Variants in TTC28 observed in about 807,000 individuals in gnomAD.
TTC28 encodes tetratricopeptide repeat protein 28.
A neutral mutation model predicts 198.0 loss-of-function variants in TTC28; 61 were observed. The observed-to-expected ratio is 0.31, with a 90% confidence interval of 0.25 to 0.38. The LOEUF (loss-of-function observed/expected upper bound fraction) is 0.38. Among genes scored for constraint, TTC28 ranks in the 10% least tolerant of loss-of-function variants. The probability of loss-of-function intolerance (pLI) is 1.00; values close to 1 mark genes in which losing one functional copy is unlikely to be tolerated. For missense variants in TTC28, 2,678 were observed against 3,164.0 expected, an observed-to-expected ratio of 0.85 and a Z score of 3.69; for synonymous variants, 1,171 against 1,297.8, an observed-to-expected ratio of 0.90 and a Z score of 2.10.
In TTC28 at chr22:28,526,845, C is replaced by T. The variant is rs55801881; in HGVS notation, c.381+102707G>A. ...CACCTCGGCTCACTGCAACCTCCGC[C>T]TCCCAGGTACAAGTGATTCTCCTGC... On this transcript the variant is annotated intron_variant, in intron 2 of 22. Coordinates refer to ENST00000397906, the MANE Select transcript of TTC28 (RefSeq NM_001145418.2). 8.1e-3 allele frequency among the ~76,000 whole-genome samples: 1,234 copies of T among 152,164 alleles called. 20 individuals carry two copies. The highest frequency in any genetic ancestry group is 0.028 in the African/African-American group (1,175 of 41,522).
At chr22:28,336,927 A>G (rs2045732053) in intron 2 of TTC28, among the ~76,000 whole-genome samples, 1 of 152,014 alleles carries the variant, frequency 6.6e-6, no homozygotes. Context: ...TTTAATTGTG[A>G]TGTTAGGCTG....
chr22:28,227,995 C>T (rs1316808066), intron 5 of TTC28, among the ~76,000 whole-genome samples: 1 of 152,016 alleles, frequency 6.6e-6, no homozygotes, highest in Non-Finnish European at 1.5e-5. Flanking sequence ...AATGGATAAA[C>T]AAAATGTGGT....
intron 5 of TTC28, among the ~76,000 whole-genome samples, chr22:28,249,324 C>G (rs182269428): frequency 6.6e-6 from 1 of 151,786 alleles, no homozygotes; most frequent in African/African-American, 2.4e-5. Context: ...GTATCTGGCA[C>G]GCAGGAAAAA....
intron 2 of TTC28, among the ~76,000 whole-genome samples, chr22:28,482,357 G>A (rs903306735): frequency 4.6e-5 from 7 of 151,132 alleles, no homozygotes; most frequent in African/African-American, 1.5e-4. Context: ...GACTGCAGGC[G>A]CCCTACACGC....
chr22:28,108,442 A>G, intron 6 of TTC28, 39 bp from the exon 7 acceptor site: 1 of 1,395,684 alleles, frequency 7.2e-7, no homozygotes, highest in Non-Finnish European at 9.3e-7. Flanking sequence ...AGACTGAAAT[A>G]ACTGATTTGC....
chr22:28,253,228 A>G (rs1348707358), intron 5 of TTC28, among the ~76,000 whole-genome samples: 1 of 152,206 alleles, frequency 6.6e-6, no homozygotes, highest in Admixed American at 6.5e-5. Flanking sequence ...AATGAAAACA[A>G]TTGTTCAGAC....
chr22:28,335,704 G>C (rs1442511526), intron 2 of TTC28, among the ~76,000 whole-genome samples: 2 of 152,172 alleles, frequency 1.3e-5, no homozygotes, highest in African/African-American at 4.8e-5. Context: ...CTGAGACTTT[G>C]CTGAAGTTCC....
chr22:28,132,867 C>G (rs1015708006), intron 6 of TTC28, among the ~76,000 whole-genome samples: 13 of 152,102 alleles, frequency 8.5e-5, no homozygotes, highest in Non-Finnish European at 1.8e-4. Flanking sequence ...TCACAGTTTC[C>G]AAGAACCCTA....
At chr22:28,120,923 C>T (rs545018688) in intron 6 of TTC28, among the ~76,000 whole-genome samples, 1 of 152,170 alleles carries the variant, frequency 6.6e-6, no homozygotes, top group African/African-American at 2.4e-5. Context: ...AAGCATAATG[C>T]TATCAAAACA....
intron 5 of TTC28, among the ~76,000 whole-genome samples, chr22:28,286,377 C>T (rs1022152602): frequency 9.2e-5 from 14 of 152,136 alleles, no homozygotes; most frequent in African/African-American, 3.4e-4. Flanking sequence ...ATTATCACTA[C>T]ATTAAACAAT....
At chr22:28,573,660 T>C (rs887542842) in intron 2 of TTC28, among the ~76,000 whole-genome samples, 1 of 152,130 alleles carries the variant, frequency 6.6e-6, no homozygotes. Context: ...ATGGGGTATC[T>C]ACATCACCTC....
chr22:28,270,549 C>T (rs138280275), intron 5 of TTC28, among the ~76,000 whole-genome samples: 1 of 152,060 alleles, frequency 6.6e-6, no homozygotes, highest in East Asian at 1.9e-4. Flanking sequence ...AACCCACAAA[C>T]TTTAAAGTAG....
intron 2 of TTC28, among the ~76,000 whole-genome samples, chr22:28,384,123 C>A (rs1039272633): frequency 1.4e-4 from 22 of 152,194 alleles, no homozygotes; most frequent in Non-Finnish European, 3.2e-4. Flanking sequence ...GGCTTTTTCC[C>A]TTATTTCCTT....
At chr22:28,336,153 G>A (rs1411223608) in intron 2 of TTC28, among the ~76,000 whole-genome samples, 1 of 152,166 alleles carries the variant, frequency 6.6e-6, no homozygotes, top group African/African-American at 2.4e-5. Flanking sequence ...ATTGATTTGT[G>A]TATGCTGAAC....
At chr22:28,120,839 A>G (rs1217770028) in intron 6 of TTC28, among the ~76,000 whole-genome samples, 1 of 152,074 alleles carries the variant, frequency 6.6e-6, no homozygotes, top group Non-Finnish European at 1.5e-5. Context: ...TCGGGTCTGA[A>G]AAGCTTCCTT....
At chr22:28,448,246 AT>A (rs2047730722) in intron 2 of TTC28, among the ~76,000 whole-genome samples, 1 of 152,336 alleles carries the variant, frequency 6.6e-6, no homozygotes, top group African/African-American at 2.4e-5. Context: ...AGAACAGTCA[AT>A]TAAAATAGTA....
chr22:28,424,099 G>A (rs1291900445), intron 2 of TTC28, among the ~76,000 whole-genome samples: 1 of 151,618 alleles, frequency 6.6e-6, no homozygotes, highest in Admixed American at 6.6e-5. Flanking sequence ...TAGGCTCTTT[G>A]TTTTCTAGGT....
In TTC28 at chr22:28,197,705, G is replaced by C. The variant is rs140920332; in HGVS notation, c.934-34106C>G. 7.2e-3 allele frequency among the ~76,000 whole-genome samples: 1,090 copies of C among 152,186 alleles called. 13 individuals carry two copies. The highest frequency in any genetic ancestry group is 0.025 in the African/African-American group (1,053 of 41,520). ...AAAGTATCTTCCATAAATAAGGACT[G>C]GGAGCAAGAACAGAAAATTCACTAA... On this transcript the variant is annotated intron_variant, in intron 5 of 22. Coordinates refer to ENST00000397906, the MANE Select transcript of TTC28 (RefSeq NM_001145418.2).
chr22:28,252,414 T>C (rs983241728), intron 5 of TTC28, among the ~76,000 whole-genome samples: 2 of 152,196 alleles, frequency 1.3e-5, no homozygotes, highest in Admixed American at 1.3e-4. Context: ...TATATATTTC[T>C]ACAAAACTGA....
Sources: gnomAD v4.1 joint callset for allele counts (sites outside exome capture counted in the v4.1 genomes callset) on GRCh38, gnomAD v4.1.1 for gene constraint, MANE v1.5 for transcripts, NCBI Gene and HGNC (gene_info 2026-07-23, HGNC 2026-07-21) for gene names.